RETREG1: variants seen among roughly 807,000 people sequenced by gnomAD.
The protein encoded by RETREG1 is family with sequence similarity 134 member B.
Under a neutral mutation model 54.8 loss-of-function variants are expected in RETREG1, and 44 were observed. The ratio of observed to expected loss-of-function variants is 0.80; its 90% confidence interval spans 0.63 to 1.03. RETREG1 has a LOEUF of 1.03. RETREG1 is among the 50% of genes least tolerant of loss of function. RETREG1 has a pLI of 0.00. For synonymous variants in RETREG1, 217 were observed against 238.5 expected (o/e 0.91, Z 0.83); for missense variants, 554 against 605.1 (o/e 0.92, Z 0.89).
In RETREG1 at chr5:16,572,093, T is replaced by C. The variant is rs775459708; in HGVS notation, c.330A>G (p.Ala110=). ...GGTGATATACTCTCCATGGAGTCAA[T>C]GCAAGGAACCTGCAACAGCGAAACA... ...VAANLLFWFL[A]LTPWRVYHLI... Residue 110 remains alanine (A), a synonymous_variant, in exon 2 of 9, where the codon GCA becomes GCG. Transcript: ENST00000306320. 4 of 1,612,092 alleles carry C rather than the reference T, an allele frequency of 2.5e-6. No homozygotes were observed. The highest frequency in any genetic ancestry group is 1.3e-5 in the African/African-American group (1 of 74,888).
At chr5:16,583,546 T>TC (rs1334059952) in intron 1 of RETREG1, among the ~76,000 whole-genome samples, 29 of 152,096 alleles carry the variant, frequency 1.9e-4, no homozygotes, top group African/African-American at 6.7e-4. Flanking sequence ...TTTTGACTAG[T>TC]CGTGTATCCA....
At chr5:16,603,706 A>C (rs576873513) in intron 1 of RETREG1, among the ~76,000 whole-genome samples, 5 of 152,020 alleles carry the variant, frequency 3.3e-5, no homozygotes, top group Admixed American at 3.3e-4. Context: ...CTTCAGCACA[A>C]CATGTCGGTA....
intron 3 of RETREG1, among the ~76,000 whole-genome samples, chr5:16,503,939 G>A (rs910034701): frequency 1.3e-5 from 2 of 151,900 alleles, no homozygotes; most frequent in Non-Finnish European, 2.9e-5. Context: ...TGTGCAGGAT[G>A]TGCAGGTTTG....
chr5:16,476,956 A>T (rs1356482687), intron 8 of RETREG1, among the ~76,000 whole-genome samples: 1 of 152,158 alleles, frequency 6.6e-6, no homozygotes, highest in Non-Finnish European at 1.5e-5. Flanking sequence ...TTTGAAGACA[A>T]ATGTGAGAAA....
chr5:16,511,888 A>AC (rs1287733478), intron 3 of RETREG1, among the ~76,000 whole-genome samples: 1 of 151,544 alleles, frequency 6.6e-6, no homozygotes, highest in Non-Finnish European at 1.5e-5. Context: ...TGAGAACTCC[A>AC]CCCCCATGAT....
chr5:16,560,939 G>A (rs879429445), intron 3 of RETREG1, among the ~76,000 whole-genome samples: 5 of 152,038 alleles, frequency 3.3e-5, no homozygotes, highest in South Asian at 2.1e-4. Context: ...TGGCCACACC[G>A]AGGAAAGTAT....
At chr5:16,501,572 G>T (rs972410003) in intron 3 of RETREG1, among the ~76,000 whole-genome samples, 1 of 151,732 alleles carries the variant, frequency 6.6e-6, no homozygotes, top group South Asian at 2.1e-4. Context: ...ACACAAAGTT[G>T]CTCTCTGTTG....
intron 1 of RETREG1, among the ~76,000 whole-genome samples, chr5:16,592,334 AT>A (rs1175898189): frequency 6.6e-6 from 1 of 152,222 alleles, no homozygotes; most frequent in Non-Finnish European, 1.5e-5. Flanking sequence ...AGAAAGGCAA[AT>A]CAAAACCACC....
chr5:16,567,287 G>C (rs945415941), intron 2 of RETREG1, among the ~76,000 whole-genome samples: 1 of 152,114 alleles, frequency 6.6e-6, no homozygotes, highest in African/African-American at 2.4e-5. Flanking sequence ...GTGGAGACAG[G>C]GTGCACTGAG....
At chr5:16,508,596 T>C in intron 3 of RETREG1, 1 of 1,614,190 alleles carries the variant, frequency 6.2e-7, no homozygotes, top group Non-Finnish European at 8.5e-7. Flanking sequence ...TGGTCCAAAG[T>C]CTTCACCTTC....
chr5:16,600,441 C>T (rs1425559881), intron 1 of RETREG1, among the ~76,000 whole-genome samples: 2 of 152,184 alleles, frequency 1.3e-5, no homozygotes, highest in African/African-American at 4.8e-5. Flanking sequence ...CTTCAGACCC[C>T]GGGGGTAACA....
chr5:16,480,671 G>C (rs776834582), intron 5 of RETREG1, among the ~76,000 whole-genome samples: 1 of 152,036 alleles, frequency 6.6e-6, no homozygotes, highest in Admixed American at 6.6e-5. Context: ...TTTCATTGTG[G>C]TTTTAATTAT....
chr5:16,516,743 T>C (rs1740367751), intron 3 of RETREG1, among the ~76,000 whole-genome samples: 1 of 152,070 alleles, frequency 6.6e-6, no homozygotes, highest in Non-Finnish European at 1.5e-5. Context: ...CATGTACCTC[T>C]AAATGTTTTT....
chr5:16,525,197 T>C lies in RETREG1; in HGVS notation c.458+40566A>G, dbSNP rs1038437236. On this transcript the variant is annotated intron_variant, in intron 3 of 8. Transcript: ENST00000306320. ...GCATAGGGGACACTGTGCTGACATG[T>C]GTCCTCTGGCCCCTGCAGGTGGATT... Among the ~76,000 whole-genome samples the C allele has an allele frequency of 4.4e-4, 64 of 145,604 alleles. 1 individual carries two copies. Among genetic ancestry groups the C allele is most frequent in the African/African-American group, 1.5e-3 (60 of 38,732 alleles).
intron 8 of RETREG1, 28 bp from the exon 9 acceptor site, chr5:16,475,262 C>G (rs1738487485): frequency 6.2e-7 from 1 of 1,606,200 alleles, no homozygotes; most frequent in Non-Finnish European, 8.5e-7. Context: ...GAAGTTCAGA[C>G]TGAAGCACCA....
chr5:16,510,386 C>T (rs1740132920), intron 3 of RETREG1, among the ~76,000 whole-genome samples: 1 of 152,108 alleles, frequency 6.6e-6, no homozygotes, highest in Admixed American at 6.5e-5. Flanking sequence ...TGTGCGAGAG[C>T]CTGTCAGAGG....
intron 1 of RETREG1, among the ~76,000 whole-genome samples, chr5:16,577,890 G>T (rs989819868): frequency 6.6e-6 from 1 of 152,180 alleles, no homozygotes; most frequent in Non-Finnish European, 1.5e-5. Flanking sequence ...CTTCCACCAT[G>T]ATTGTGAGGC....
chr5:16,590,046 T>A (rs1317636906), intron 1 of RETREG1, among the ~76,000 whole-genome samples: 1 of 152,258 alleles, frequency 6.6e-6, no homozygotes, highest in Non-Finnish European at 1.5e-5. Flanking sequence ...AACTGGCAGC[T>A]GCCTCATGGA....
At chr5:16,548,773 T>C (rs1171745751) in intron 3 of RETREG1, among the ~76,000 whole-genome samples, 1 of 152,256 alleles carries the variant, frequency 6.6e-6, no homozygotes, top group Non-Finnish European at 1.5e-5. Flanking sequence ...TCTCTCCTTC[T>C]ATAACATAAA....
Sources: allele counts gnomAD v4.1 joint callset (sites outside exome capture counted in the v4.1 genomes callset), GRCh38; gene constraint gnomAD v4.1.1; transcripts MANE v1.5; gene names NCBI Gene and HGNC (gene_info 2026-07-23, HGNC 2026-07-21).